CTTNBP2: variants seen among roughly 807,000 people sequenced by gnomAD.
The protein encoded by CTTNBP2 is cortactin binding protein 2, also known as cortactin-binding protein 2.
CTTNBP2 carries 108 observed loss-of-function variants against 156.9 expected under a neutral mutation model. The observed-to-expected ratio is 0.69, with a 90% CI of 0.59 to 0.81. The LOEUF is 0.81. Ranked by LOEUF, CTTNBP2 falls within the 30% of genes least tolerant of loss-of-function variation. The pLI, the probability that CTTNBP2 is intolerant of heterozygous loss-of-function variation, is 0.00. For synonymous variants in CTTNBP2, 767 were observed against 751.8 expected (o/e 1.02, Z -0.33); for missense variants, 1,924 against 2,035.4 (o/e 0.95, Z 1.05).
chr7:117,823,452 TAAAA>T (rs1563043961), intron 2 of CTTNBP2, among the ~76,000 whole-genome samples: 1 of 152,210 alleles, frequency 6.6e-6, no homozygotes, highest in Admixed American at 6.5e-5. Context: ...AATTTGAAAA[TAAAA>T]GAAATATTTT....
intron 11 of CTTNBP2, 149 bp downstream of exon 11, chr7:117,757,726 T>G (rs1316135025): frequency 1.8e-6 from 1 of 561,526 alleles, no homozygotes; most frequent in Non-Finnish European, 3.1e-6. Flanking sequence ...AATCAAACAT[T>G]TTAAAAACAT....
chr7:117,763,448 T>C (rs1797310131), intron 9 of CTTNBP2, among the ~76,000 whole-genome samples: 1 of 152,198 alleles, frequency 6.6e-6, no homozygotes, highest in Non-Finnish European at 1.5e-5. Flanking sequence ...CGACTCTTTT[T>C]AATCCTTATA....
intron 3 of CTTNBP2, 40 bp downstream of exon 3, chr7:117,810,725 C>T (rs1480156052): frequency 1.3e-6 from 2 of 1,523,128 alleles, no homozygotes; most frequent in East Asian, 4.5e-5. Context: ...TCATTGGACA[C>T]CATGTTGTGG....
intron 7 of CTTNBP2, among the ~76,000 whole-genome samples, chr7:117,779,821 C>T (rs949605047): frequency 2.6e-5 from 4 of 152,036 alleles, no homozygotes; most frequent in East Asian, 1.9e-4. Context: ...AGTGCAACAG[C>T]GCCATCTCAG....
intron 8 of CTTNBP2, 112 bp downstream of exon 8, chr7:117,777,399 T>G (rs910085951): frequency 9.3e-7 from 1 of 1,077,980 alleles, no homozygotes; most frequent in Non-Finnish European, 1.4e-6. Flanking sequence ...CATCTGCAAT[T>G]GTATCACTCA....
Position 117,735,250 on chromosome 7 carries a change from G to T in CTTNBP2, c.3688+19C>A. The T allele has an allele frequency of 3.7e-6, 6 of 1,609,264 alleles. No individual in the cohort carries two copies. Among genetic ancestry groups the T allele is most frequent in the Non-Finnish European group, 5.1e-6 (6 of 1,178,922 alleles). ...TTACAGAAGCTTGCTTCTCAGCATG[G>T]TCCCTTTATTAGCGTTACCTTTTTG... On this transcript the variant is annotated intron_variant, in intron 15 of 22. Coordinates refer to ENST00000160373, the MANE Select transcript of CTTNBP2 (RefSeq NM_033427.3).
intron 2 of CTTNBP2, among the ~76,000 whole-genome samples, chr7:117,860,271 T>C (rs983437883): frequency 4.0e-5 from 6 of 151,742 alleles, no homozygotes; most frequent in African/African-American, 7.3e-5. Context: ...CAAACCAAAA[T>C]AAACGCAAGA....
chr7:117,831,540 GC>G (rs1490001671), intron 2 of CTTNBP2, among the ~76,000 whole-genome samples: 1 of 152,126 alleles, frequency 6.6e-6, no homozygotes, highest in Non-Finnish European at 1.5e-5. Context: ...AATACTGTGA[GC>G]TTGGGTCCAT....
At chr7:117,765,458 G>C (rs1329612365) in intron 9 of CTTNBP2, among the ~76,000 whole-genome samples, 1 of 152,172 alleles carries the variant, frequency 6.6e-6, no homozygotes, top group Non-Finnish European at 1.5e-5. Flanking sequence ...AGAAGGCTAA[G>C]CACCTTGTCT....
intron 22 of CTTNBP2, chr7:117,715,758 A>G (rs1194130875): frequency 1.3e-5 from 2 of 152,212 alleles, no homozygotes; most frequent in East Asian, 3.8e-4. Context: ...TTTCCAACAG[A>G]TAATGATGGT....
chr7:117,772,896 C>T (rs1433644679), intron 8 of CTTNBP2, among the ~76,000 whole-genome samples: 1 of 152,148 alleles, frequency 6.6e-6, no homozygotes, highest in Non-Finnish European at 1.5e-5. Context: ...GCCAAGTTTA[C>T]ATTCCCTTTA....
chr7:117,863,621 C>T (rs1273359962), intron 1 of CTTNBP2, among the ~76,000 whole-genome samples: 1 of 152,224 alleles, frequency 6.6e-6, no homozygotes, highest in African/African-American at 2.4e-5. Context: ...TGGTGAGGAG[C>T]ACTTCTGTAA....
intron 4 of CTTNBP2, among the ~76,000 whole-genome samples, chr7:117,789,465 T>G (rs1043886923): frequency 3.3e-5 from 5 of 152,214 alleles, no homozygotes; most frequent in Non-Finnish European, 7.3e-5. Context: ...GATCTTATAG[T>G]ACATTCTCTA....
rs188323651 is a variant in CTTNBP2, at chr7:117,762,711, G to A, written c.2897-2001C>T. Among the ~76,000 whole-genome samples the A allele has an allele frequency of 3.3e-3, 501 of 152,134 alleles. 2 individuals are homozygous for A. The highest frequency in any genetic ancestry group is 4.8e-3 in the Non-Finnish European group (328 of 68,002). Reference sequence around the variant, plus strand: ...ATCAGATCCCATCTCTCCTACAATCGAACACTGCAATGGCTACCTTAAGTT... The same window carrying A: ...ATCAGATCCCATCTCTCCTACAATCAAACACTGCAATGGCTACCTTAAGTT... On this transcript the variant is annotated intron_variant, in intron 9 of 22. Coordinates refer to ENST00000160373, the MANE Select transcript of CTTNBP2 (RefSeq NM_033427.3).
At chr7:117,719,682 C>G in intron 20 of CTTNBP2, 46 bp from the exon 21 acceptor site, 1 of 1,555,560 alleles carries the variant, frequency 6.4e-7, no homozygotes, top group Non-Finnish European at 8.8e-7. Context: ...AGAACAATTC[C>G]CAATTTGGAA....
intron 2 of CTTNBP2, among the ~76,000 whole-genome samples, chr7:117,823,328 C>T (rs1293577666): frequency 6.6e-6 from 1 of 152,018 alleles, no homozygotes; most frequent in Non-Finnish European, 1.5e-5. Context: ...ATTAGAGATA[C>T]ATTTAAAAGA....
intron 12 of CTTNBP2, among the ~76,000 whole-genome samples, chr7:117,756,092 A>G (rs1454919501): frequency 6.6e-6 from 1 of 152,238 alleles, no homozygotes; most frequent in East Asian, 1.9e-4. Flanking sequence ...TATATGTTTA[A>G]GAAAAATAAA....
intron 2 of CTTNBP2, among the ~76,000 whole-genome samples, chr7:117,857,150 A>C (rs1027060230): frequency 6.6e-6 from 1 of 152,198 alleles, no homozygotes; most frequent in Non-Finnish European, 1.5e-5. Flanking sequence ...CTGTTTGTTC[A>C]AAGATTTATT....
chr7:117,744,813 C>T (rs1213824207), intron 14 of CTTNBP2, among the ~76,000 whole-genome samples: 1 of 152,174 alleles, frequency 6.6e-6, no homozygotes, highest in Non-Finnish European at 1.5e-5. Context: ...GGAAGGTTAG[C>T]TTGTGCCCCA....
Sources: allele counts gnomAD v4.1 joint callset (sites outside exome capture counted in the v4.1 genomes callset), GRCh38; gene constraint gnomAD v4.1.1; transcripts MANE v1.5; gene names NCBI Gene and HGNC (gene_info 2026-07-23, HGNC 2026-07-21).